NRG3: variants seen among roughly 807,000 people sequenced by gnomAD.
NRG3 encodes neuregulin 3, also known as pro-neuregulin-3, membrane-bound isoform.
A neutral mutation model predicts 66.9 loss-of-function variants in NRG3; 31 were observed. The observed-to-expected ratio is 0.46, with a 90% CI of 0.35 to 0.63. The LOEUF (loss-of-function observed/expected upper bound fraction) is 0.63, where lower values mean the gene tolerates loss of function less well. NRG3 is among the 20% of genes least tolerant of loss of function. NRG3 has a pLI of 0.00. For synonymous variants in NRG3, 393 were observed against 359.4 expected, an observed-to-expected ratio of 1.09 and a Z score of -1.06; for missense variants, 910 against 878.9, an observed-to-expected ratio of 1.04 and a Z score of -0.45.
At chr10:82,760,670 C>G (rs1317716731) in intron 3 of NRG3, among the ~76,000 whole-genome samples, 1 of 151,800 alleles carries the variant, frequency 6.6e-6, no homozygotes, top group East Asian at 1.9e-4. Flanking sequence ...GTTTTATCTA[C>G]TTAGAAAATA....
chr10:82,750,184 G>A (rs1427681149), intron 3 of NRG3, among the ~76,000 whole-genome samples: 1 of 152,124 alleles, frequency 6.6e-6, no homozygotes, highest in Admixed American at 6.6e-5. Context: ...ACTGATGTTA[G>A]GAGACAACCA....
intron 3 of NRG3, among the ~76,000 whole-genome samples, chr10:82,847,771 A>G (rs1275597441): frequency 1.3e-5 from 2 of 152,202 alleles, no homozygotes; most frequent in African/African-American, 2.4e-5. Context: ...CCAGGGTTGT[A>G]TCAGTAGAAA....
intron 4 of NRG3, among the ~76,000 whole-genome samples, chr10:82,909,592 T>C (rs73311323): frequency 0.039 from 6,005 of 152,206 alleles, 139 homozygotes; most frequent in Middle Eastern, 0.1. Flanking sequence ...ATGCCCACAA[T>C]GGTAATAAAA....
At chr10:82,190,459 A>AGG (rs766960804) in intron 1 of NRG3, among the ~76,000 whole-genome samples, 57 of 152,310 alleles carry the variant, frequency 3.7e-4, no homozygotes, top group Non-Finnish European at 7.5e-4. Flanking sequence ...GTTGATATCA[A>AGG]TTCTATTTTC....
At chr10:82,374,788 C>T (rs1309932924) in intron 2 of NRG3, among the ~76,000 whole-genome samples, 1 of 152,150 alleles carries the variant, frequency 6.6e-6, no homozygotes, top group African/African-American at 2.4e-5. Flanking sequence ...GTAATTCTGC[C>T]ACTACCACAC....
chr10:82,674,656 G>A, intron 2 of NRG3, among the ~76,000 whole-genome samples: 1 of 151,960 alleles, frequency 6.6e-6, no homozygotes, highest in South Asian at 2.1e-4. Flanking sequence ...TGATAACATC[G>A]GGAGCATCAG....
chr10:82,612,628 C>CT (rs769715645), intron 2 of NRG3, among the ~76,000 whole-genome samples: 3 of 151,954 alleles, frequency 2.0e-5, no homozygotes, highest in South Asian at 2.1e-4. Flanking sequence ...AAATGAATGT[C>CT]TTTTTTTCTT....
At chr10:82,779,367 G>A (rs74684272) in intron 3 of NRG3, among the ~76,000 whole-genome samples, 5 of 152,082 alleles carry the variant, frequency 3.3e-5, no homozygotes, top group South Asian at 2.1e-4. Flanking sequence ...AGGCTTTCTC[G>A]TCTTATCTCT....
chr10:82,980,033 AT>A (rs969135710), intron 8 of NRG3, among the ~76,000 whole-genome samples: 2 of 151,836 alleles, frequency 1.3e-5, no homozygotes, highest in African/African-American at 4.8e-5. Flanking sequence ...GCAAAACCCC[AT>A]CTCTAACAAA....
intron 2 of NRG3, among the ~76,000 whole-genome samples, chr10:82,702,155 A>G (rs7914127): frequency 0.21 from 32,332 of 152,138 alleles, 3,598 homozygotes; most frequent in Middle Eastern, 0.34. Context: ...GCTGTGATGC[A>G]TCTCATCTTG....
intron 2 of NRG3, among the ~76,000 whole-genome samples, chr10:82,431,322 TG>T (rs2089792377): frequency 6.6e-6 from 1 of 152,156 alleles, no homozygotes; most frequent in Non-Finnish European, 1.5e-5. Flanking sequence ...CTATGTATGC[TG>T]GGTTGCTGAT....
chr10:82,269,392 T>A (rs2078475274), intron 1 of NRG3, among the ~76,000 whole-genome samples: 1 of 152,120 alleles, frequency 6.6e-6, no homozygotes, highest in South Asian at 2.1e-4. Context: ...CCTGGAAAAG[T>A]CTTTGGAGAG....
intron 3 of NRG3, among the ~76,000 whole-genome samples, chr10:82,858,686 T>C (rs990675132): frequency 1.3e-5 from 2 of 152,186 alleles, no homozygotes; most frequent in Admixed American, 6.5e-5. Context: ...AGTTCAGTTA[T>C]TAAGATAAAG....
At position 82,198,995 on chromosome 10, in the gene NRG3, T is replaced by TA. The variant is rs377250051; in HGVS notation, c.824-159729dup. On this transcript the variant is annotated intron_variant, in intron 1 of 8. Transcript: ENST00000372141. ...CTGGGCAACAGAACACGACTCCATC[T>TA]AAAAAAAAAAAAAAAGTACAAAAAT... 7.2e-3 allele frequency among the ~76,000 whole-genome samples: 931 copies of TA among 130,072 alleles called. 5 individuals are homozygous for TA. The highest frequency in any genetic ancestry group is 0.033 in the Middle Eastern group (8 of 244). 85.3% of individuals were successfully genotyped at this position (130,072 alleles called of 152,430 possible).
At chr10:81,886,943 G>A (rs1447029995) in intron 1 of NRG3, among the ~76,000 whole-genome samples, 2 of 152,070 alleles carry the variant, frequency 1.3e-5, no homozygotes, top group Non-Finnish European at 1.5e-5. Flanking sequence ...TTTTGGAATA[G>A]GGATGCTGTT....
chr10:82,853,761 C>T (rs1045852678), intron 3 of NRG3, among the ~76,000 whole-genome samples: 1 of 152,250 alleles, frequency 6.6e-6, no homozygotes, highest in East Asian at 1.9e-4. Context: ...AGTTTTACTT[C>T]CTCTTTGCTA....
intron 6 of NRG3, among the ~76,000 whole-genome samples, chr10:82,959,357 G>T (rs1425359553): frequency 6.6e-6 from 1 of 152,144 alleles, no homozygotes; most frequent in Non-Finnish European, 1.5e-5. Flanking sequence ...AACACTTGTT[G>T]AATCCTTAGT....
intron 2 of NRG3, among the ~76,000 whole-genome samples, chr10:82,597,608 T>A (rs190090429): frequency 6.6e-6 from 1 of 152,296 alleles, no homozygotes; most frequent in East Asian, 1.9e-4. Flanking sequence ...GCTTTTTATC[T>A]CTCTTCTTAT....
chr10:82,716,249 G>A (rs1374807863), intron 2 of NRG3, among the ~76,000 whole-genome samples: 3 of 152,278 alleles, frequency 2.0e-5, no homozygotes, highest in Non-Finnish European at 4.4e-5. Context: ...ATTCAGGTAA[G>A]TTTTTTAATT....
Sources: gnomAD v4.1 joint callset for allele counts (sites outside exome capture counted in the v4.1 genomes callset) on GRCh38, gnomAD v4.1.1 for gene constraint, MANE v1.5 for transcripts, NCBI Gene and HGNC (gene_info 2026-07-23, HGNC 2026-07-21) for gene names.